Variants in SLA2 observed in about 807,000 individuals in gnomAD.
SLA2 encodes the protein src-like-adapter 2.
SLA2 carries 22 observed loss-of-function variants against 27.3 expected under a neutral mutation model. That is an observed-to-expected ratio of 0.81 (90% CI 0.58 to 1.15). The LOEUF is 1.15. Among genes scored for constraint, SLA2 ranks in the 50% most tolerant of loss-of-function variants. The probability of loss-of-function intolerance (pLI) is 0.00; values close to 1 mark genes in which losing one functional copy is unlikely to be tolerated. For synonymous variants in SLA2, 131 were observed against 137.8 expected (o/e 0.95, Z 0.34); for missense variants, 304 against 322.2 (o/e 0.94, Z 0.43).
intron 5 of SLA2, among the ~76,000 whole-genome samples, chr20:36,618,840 G>A (rs2039244601): frequency 6.7e-6 from 1 of 148,474 alleles, no homozygotes; most frequent in South Asian, 2.2e-4. Flanking sequence ...CCAGGCAGCG[G>A]AGATTGCAGT....
chr20:36,626,886 T>G (rs1044955786), intron 5 of SLA2, among the ~76,000 whole-genome samples: 3 of 151,664 alleles, frequency 2.0e-5, no homozygotes, highest in African/African-American at 7.3e-5. Context: ...ATAAACCTAT[T>G]ATAGCTACAG....
At chr20:36,623,569 A>T (rs1408757690) in intron 5 of SLA2, among the ~76,000 whole-genome samples, 1 of 152,208 alleles carries the variant, frequency 6.6e-6, no homozygotes, top group Non-Finnish European at 1.5e-5. Flanking sequence ...ATATGCTTTG[A>T]GAAGTGTATT....
intron 5 of SLA2, among the ~76,000 whole-genome samples, chr20:36,626,286 G>A (rs1422219759): frequency 1.3e-5 from 2 of 151,914 alleles, no homozygotes; most frequent in Admixed American, 6.6e-5. Flanking sequence ...TAGCTACTCG[G>A]GAGGCTGAGG....
In SLA2 at chr20:36,621,439, G is replaced by C. The variant is rs542105563; in HGVS notation, c.383-6065C>G. 86 of 511,454 alleles carry C rather than the reference G, an allele frequency of 1.7e-4. 1 individual carries two copies. The East Asian group carries it at 4.0e-3, about 24-fold the overall frequency. 31.7% of individuals were successfully genotyped at this position (511,454 alleles called of 1,614,324 possible). A position where few individuals can be genotyped will look rare whatever the true frequency, so the allele number is the denominator to read the frequency against. On this transcript the variant is annotated intron_variant, in intron 5 of 7. Transcript: ENST00000262866. ...AAGGTTCTAAAAACAGCAGAAAAAG[G>C]CTATAGTGTTGTTTTTTTTTTGAGA... is the stretch of plus-strand genomic sequence containing the variant.
Position 36,634,470 on chromosome 20 carries a change from T to G in SLA2, c.191+20A>C. 6.4e-7 allele frequency: 1 copy of G among 1,565,968 alleles called. No individual in the cohort carries two copies. Among genetic ancestry groups the G allele is most frequent in the Non-Finnish European group, 8.8e-7 (1 of 1,141,964 alleles). On this transcript the variant is annotated intron_variant, in intron 3 of 7. Coordinates refer to ENST00000262866, the MANE Select transcript of SLA2 (RefSeq NM_032214.4). ...GGCTCTATTAGTGCATATTCAGGTA[T>G]CCAGTGCCCATGGACTTACTCAGAG...
rs189405388 is a variant in SLA2 at position 36,635,233 on chromosome 20, C to T, written c.92-644G>A. ...CTGAAAATCCAGGTTTCAGCAGCTGCTGAAGGCCACTCACTGCACCCTAGC... is the reference window on the plus strand; with the variant it reads ...CTGAAAATCCAGGTTTCAGCAGCTGTTGAAGGCCACTCACTGCACCCTAGC... On this transcript the variant is annotated intron_variant, in intron 2 of 7. Coordinates refer to ENST00000262866, the MANE Select transcript of SLA2 (RefSeq NM_032214.4). Among the ~76,000 whole-genome samples, 646 of 152,024 alleles carry T rather than the reference C, an allele frequency of 4.2e-3. 3 individuals are homozygous for T. Among genetic ancestry groups the T allele is most frequent in the South Asian group, 0.02 (98 of 4,814 alleles).
intron 5 of SLA2, among the ~76,000 whole-genome samples, chr20:36,623,313 AGATT>A (rs1055708684): frequency 6.6e-6 from 1 of 151,986 alleles, no homozygotes; most frequent in Non-Finnish European, 1.5e-5. Flanking sequence ...TTAATAGGAA[AGATT>A]GATTATTTTC....
In SLA2 at chr20:36,614,964, GCT is replaced by G. The variant is rs1410672086; in HGVS notation, c.532+259_532+260del. 8.1e-6 allele frequency: 8 copies of G among 985,292 alleles called. No homozygotes were observed. In the African/African-American group the frequency reaches 1.4e-4, roughly 17 times the overall value. 61.0% of individuals were successfully genotyped at this position (985,292 alleles called of 1,614,324 possible). On this transcript the variant is annotated intron_variant, in intron 6 of 7. Coordinates refer to ENST00000262866, the MANE Select transcript of SLA2 (RefSeq NM_032214.4). ...GAGAGAACTCTGCCTGCTGCCAGGGGCTCTGAGTCAGAACCAGAGTGGTAGGC... is the reference window on the plus strand; with the variant it reads ...GAGAGAACTCTGCCTGCTGCCAGGGGCTGAGTCAGAACCAGAGTGGTAGGC...
At position 36,646,019 on chromosome 20, in the gene SLA2, ATC is replaced by A. The variant is rs1188505731; in HGVS notation, c.-228_-227del. 6.6e-6 allele frequency: 1 copy of A among 152,338 alleles called. No homozygotes were observed. The highest frequency in any genetic ancestry group is 1.5e-5 in the Non-Finnish European group (1 of 68,168). The allele number at this position is 152,338 out of a possible 1,614,324, so 9.4% of individuals were successfully genotyped here. A position where few individuals can be genotyped will look rare whatever the true frequency, so the allele number is the denominator to read the frequency against. ...TAGGTGTTGGTTTGGGTAGCTCAGC[ATC>A]TGTCTGCAGTCAGCAGTTTGTACAC... On this transcript the variant is annotated 5_prime_UTR_variant, in exon 1 of 8. The change creates a new upstream start codon in the 5' untranslated region. Transcript: ENST00000262866.
At position 36,613,826 on chromosome 20, in the gene SLA2, G is replaced by GT; in HGVS notation, c.*39dup. The GT allele has an allele frequency of 6.3e-7, 1 of 1,578,798 alleles. No individual in the cohort carries two copies. ...CCAGGAGGCTGAATTGGGGTTCTAGGTGTGCAGCCTTGGTTTCCCTTTTGG... is the reference window on the plus strand; with the variant it reads ...CCAGGAGGCTGAATTGGGGTTCTAGGTTGTGCAGCCTTGGTTTCCCTTTTGG... On this transcript the variant is annotated 3_prime_UTR_variant, in exon 8 of 8. Coordinates refer to ENST00000262866, the MANE Select transcript of SLA2 (RefSeq NM_032214.4).
At chr20:36,618,232 A>C (rs985119280) in intron 5 of SLA2, among the ~76,000 whole-genome samples, 1 of 152,110 alleles carries the variant, frequency 6.6e-6, no homozygotes, top group Non-Finnish European at 1.5e-5. Context: ...ATGGCTTATT[A>C]ATGGGAGAAT....
rs547552869 is a variant in SLA2, at chr20:36,634,701, C to G, written c.92-112G>C. On this transcript the variant is annotated intron_variant, in intron 2 of 7. Coordinates refer to ENST00000262866, the MANE Select transcript of SLA2 (RefSeq NM_032214.4). Reference sequence around the variant, plus strand: ...CCAGCATCAGCCCTCCACAAGCACCCTGAGGGAGTCCCATCCACTTCCTAA... The same window carrying G: ...CCAGCATCAGCCCTCCACAAGCACCGTGAGGGAGTCCCATCCACTTCCTAA... 9.1e-5 allele frequency: 53 copies of G among 583,632 alleles called. No homozygotes were observed. The African/African-American group carries it at 9.2e-4, about 10-fold the overall frequency. 36.2% of individuals were successfully genotyped at this position (583,632 alleles called of 1,614,324 possible).
In SLA2 at chr20:36,641,413, G is replaced by T. The variant is rs920998542; in HGVS notation, c.-43-35C>A. ...ACACAGTGATGGGGACAGAGCCGAG[G>T]CTTCTGGCCCAATCTCAGATACCTC... On this transcript the variant is annotated intron_variant, in intron 1 of 7. Coordinates refer to ENST00000262866, the MANE Select transcript of SLA2 (RefSeq NM_032214.4). The T allele has an allele frequency of 2.3e-6, 3 of 1,323,670 alleles. No homozygotes were observed. The African/African-American group carries it at 4.3e-5, about 19-fold the overall frequency. 82.0% of individuals were successfully genotyped at this position (1,323,670 alleles called of 1,614,324 possible). A position where few individuals can be genotyped will look rare whatever the true frequency, so the allele number is the denominator to read the frequency against.
chr20:36,636,623 A>AAAAATATATATAT (rs1387991352), intron 2 of SLA2, among the ~76,000 whole-genome samples: 1 of 114,712 alleles, frequency 8.7e-6, no homozygotes, highest in African/African-American at 4.0e-5. Flanking sequence ...AAAAAAAAAA[A>AAAAATATATATAT]ATATATATAT....
chr20:36,640,714 A>C (rs1324337629), intron 2 of SLA2, among the ~76,000 whole-genome samples: 1 of 152,016 alleles, frequency 6.6e-6, no homozygotes, highest in East Asian at 1.9e-4. Flanking sequence ...ACGGGGTTTC[A>C]CCATGTTGGC....
At position 36,641,287 on chromosome 20, in the gene SLA2, T is replaced by A; in HGVS notation, c.49A>T (p.Ser17Cys). The A allele has an allele frequency of 6.2e-7, 1 of 1,614,118 alleles. No individual in the cohort carries two copies. The highest frequency in any genetic ancestry group is 1.1e-5 in the South Asian group (1 of 91,086). ...GGTCCCTGGCCTTGGACAGAGGAACTCAAGCTTGGGCTTGGCAGAGATTTT... is the reference window on the plus strand; with the variant it reads ...GGTCCCTGGCCTTGGACAGAGGAACACAAGCTTGGGCTTGGCAGAGATTTT... ...RRKSLPSPSL[S>C]SSVQGQGPVT... Residue 17 changes from serine (S) to cysteine (C), a missense_variant, in exon 2 of 8, where the codon AGT becomes TGT. Coordinates refer to ENST00000262866, the MANE Select transcript of SLA2 (RefSeq NM_032214.4).
intron 2 of SLA2, among the ~76,000 whole-genome samples, chr20:36,637,066 A>C (rs953036001): frequency 6.6e-6 from 1 of 152,110 alleles, no homozygotes; most frequent in African/African-American, 2.4e-5. Flanking sequence ...CTTTGGGGTA[A>C]GTAAATCTGC....
At chr20:36,637,716 T>G (rs1481441443) in intron 2 of SLA2, among the ~76,000 whole-genome samples, 3 of 130,998 alleles carry the variant, frequency 2.3e-5, no homozygotes, top group African/African-American at 8.4e-5. Flanking sequence ...AATCTTGACC[T>G]CCTGGGTTCA....
chr20:36,640,436 G>A (rs765540164), intron 2 of SLA2, among the ~76,000 whole-genome samples: 17 of 151,708 alleles, frequency 1.1e-4, no homozygotes, highest in South Asian at 2.1e-4. Flanking sequence ...ATTGTGTGCT[G>A]TCTAACAAGG....
Sources: gnomAD v4.1 joint callset for allele counts (sites outside exome capture counted in the v4.1 genomes callset) on GRCh38, gnomAD v4.1.1 for gene constraint, MANE v1.5 for transcripts, NCBI Gene and HGNC (gene_info 2026-07-23, HGNC 2026-07-21) for gene names.